The following ARHGAP28 variants were observed in gnomAD, a reference collection of about 807,000 sequenced individuals.
ARHGAP28 encodes rho GTPase-activating protein 28.
Under a neutral mutation model 90.7 loss-of-function variants are expected in ARHGAP28, and 56 were observed. That is an observed-to-expected ratio of 0.62 (90% CI 0.50 to 0.77). The LOEUF is 0.77. Ranked by LOEUF, ARHGAP28 falls within the 30% of genes least tolerant of loss-of-function variation. The pLI is 0.00. For missense variants in ARHGAP28, 869 were observed against 900.9 expected, an observed-to-expected ratio of 0.96 and a Z score of 0.45; for synonymous variants, 308 against 323.3, an observed-to-expected ratio of 0.95 and a Z score of 0.51.
rs111766567 is a variant in ARHGAP28, at chr18:6,739,022, C to T, written c.122+9079C>T. On this transcript the variant is annotated intron_variant, in intron 1 of 17. Coordinates refer to ENST00000383472, the MANE Select transcript of ARHGAP28 (RefSeq NM_001366230.1). ...GGCAAGCACTATACTAAAAGCTTGA[C>T]ATACATTACCCCAGTTATTCTTTAA... Among the ~76,000 whole-genome samples, 805 of 152,268 alleles carry T rather than the reference C, an allele frequency of 5.3e-3. 5 individuals carry two copies. The highest frequency in any genetic ancestry group is 7.5e-3 in the Non-Finnish European group (508 of 68,028).
chr18:6,850,919 T>C (rs1322747543), intron 3 of ARHGAP28, 115 bp from the exon 4 acceptor site: 6 of 1,537,130 alleles, frequency 3.9e-6, no homozygotes, highest in African/African-American at 1.4e-5. Context: ...TAATTGTATA[T>C]ATCTCCAGGC....
At chr18:6,797,883 A>G (rs1445845940) in intron 1 of ARHGAP28, among the ~76,000 whole-genome samples, 1 of 152,188 alleles carries the variant, frequency 6.6e-6, no homozygotes, top group Non-Finnish European at 1.5e-5. Context: ...GCTGGTCTCG[A>G]TCTCCTCACC....
At chr18:6,842,860 A>G (rs1407839379) in intron 3 of ARHGAP28, among the ~76,000 whole-genome samples, 1 of 152,162 alleles carries the variant, frequency 6.6e-6, no homozygotes, top group Non-Finnish European at 1.5e-5. Flanking sequence ...AAATATATAT[A>G]CCTACCATGT....
At chr18:6,786,942 C>A (rs530623773) in intron 1 of ARHGAP28, among the ~76,000 whole-genome samples, 1 of 151,796 alleles carries the variant, frequency 6.6e-6, no homozygotes. Flanking sequence ...GTTGGGGCCG[C>A]GCGCGGTGGT....
intron 1 of ARHGAP28, among the ~76,000 whole-genome samples, chr18:6,762,024 C>A (rs1239312942): frequency 6.6e-6 from 1 of 152,186 alleles, no homozygotes; most frequent in African/African-American, 2.4e-5. Context: ...CATCTCTGCT[C>A]ACCATTATTT....
At chr18:6,837,908 C>T (rs1356311753) in intron 3 of ARHGAP28, among the ~76,000 whole-genome samples, 1 of 152,072 alleles carries the variant, frequency 6.6e-6, no homozygotes, top group Non-Finnish European at 1.5e-5. Context: ...GAGAATGATT[C>T]AGAAAAGCAT....
At chr18:6,837,077 C>A in intron 2 of ARHGAP28, 120 bp from the exon 3 acceptor site, 2 of 731,762 alleles carry the variant, frequency 2.7e-6, no homozygotes, top group Non-Finnish European at 4.4e-6. Context: ...AGTTCTTTCC[C>A]ATAATTACTG....
At chr18:6,831,088 A>T (rs1450609491) in intron 2 of ARHGAP28, among the ~76,000 whole-genome samples, 1 of 152,154 alleles carries the variant, frequency 6.6e-6, no homozygotes, top group African/African-American at 2.4e-5. Context: ...ACATCATTGC[A>T]ACACTTGATG....
chr18:6,830,464 T>A (rs887036695), intron 2 of ARHGAP28, among the ~76,000 whole-genome samples: 2 of 152,212 alleles, frequency 1.3e-5, no homozygotes, highest in African/African-American at 2.4e-5. Context: ...AGACTATCCC[T>A]CCCTTAGCCC....
intron 1 of ARHGAP28, among the ~76,000 whole-genome samples, chr18:6,811,644 T>A (rs1202850606): frequency 6.6e-6 from 1 of 152,188 alleles, no homozygotes; most frequent in African/African-American, 2.4e-5. Context: ...CTAGAGTTTT[T>A]AACATTACAC....
intron 1 of ARHGAP28, among the ~76,000 whole-genome samples, chr18:6,818,534 C>A (rs980184449): frequency 2.0e-5 from 3 of 152,062 alleles, no homozygotes; most frequent in African/African-American, 7.2e-5. Context: ...ACAAAGTAAG[C>A]AAATGAGTGC....
chr18:6,772,594 G>A (rs7233081), intron 1 of ARHGAP28, among the ~76,000 whole-genome samples: 60,616 of 151,978 alleles, frequency 0.4, 12,961 homozygotes, highest in East Asian at 0.85. Flanking sequence ...AGGATTTAAC[G>A]AACTATATGA....
chr18:6,874,945 A>T (rs1175951493), intron 9 of ARHGAP28: 1 of 152,270 alleles, frequency 6.6e-6, no homozygotes, highest in Non-Finnish European at 1.5e-5. Context: ...TAGCCAAGAC[A>T]CACAGTCAGC....
chr18:6,783,567 C>T (rs984815432), intron 1 of ARHGAP28, among the ~76,000 whole-genome samples: 1 of 151,954 alleles, frequency 6.6e-6, no homozygotes, highest in African/African-American at 2.4e-5. Context: ...TCCCAAAGTG[C>T]TGGGATTACA....
chr18:6,860,371 T>C (rs758633145), intron 5 of ARHGAP28, among the ~76,000 whole-genome samples: 18 of 152,218 alleles, frequency 1.2e-4, no homozygotes, highest in Non-Finnish European at 2.5e-4. Context: ...ATTCATTCAC[T>C]TGGTCTTAAG....
At chr18:6,895,313 G>A (rs983406575) in intron 15 of ARHGAP28, among the ~76,000 whole-genome samples, 4 of 151,940 alleles carry the variant, frequency 2.6e-5, no homozygotes, top group African/African-American at 9.7e-5. Flanking sequence ...CTGAACTCCT[G>A]CTCTCATGGT....
intron 6 of ARHGAP28, 93 bp downstream of exon 6, chr18:6,868,327 G>A (rs2057054663): frequency 9.1e-7 from 1 of 1,103,196 alleles, no homozygotes; most frequent in Admixed American, 2.0e-5. Context: ...TAAAAGCGAA[G>A]TATAAGTGTG....
rs1030223061 is a variant in ARHGAP28, at chr18:6,876,278, G to A, written c.1290+70G>A. ...TAGACCCAGTTCACACAAGCATCGG[G>A]GATCCAGATATTTGTTGTTGTTTAT... On this transcript the variant is annotated intron_variant, in intron 10 of 17. Coordinates refer to ENST00000383472, the MANE Select transcript of ARHGAP28 (RefSeq NM_001366230.1). 1.3e-5 allele frequency: 15 copies of A among 1,143,324 alleles called. No individual in the cohort carries two copies. The African/African-American group carries it at 2.1e-4, about 16-fold the overall frequency. 70.8% of individuals were successfully genotyped at this position (1,143,324 alleles called of 1,614,324 possible). A position where few individuals can be genotyped will look rare whatever the true frequency, so the allele number is the denominator to read the frequency against.
Position 6,911,993 on chromosome 18 carries a change from A to C in ARHGAP28, c.2096-67A>C. 6 of 988,872 alleles carry C rather than the reference A, an allele frequency of 6.1e-6. No homozygotes were observed. The South Asian group carries it at 1.1e-4, about 18-fold the overall frequency. 61.3% of individuals were successfully genotyped at this position (988,872 alleles called of 1,614,324 possible). Reference sequence around the variant, plus strand: ...TTGAACCTCACAAACACACACAGACACATATGTGTGCGCACGCACACACAC... The same window carrying C: ...TTGAACCTCACAAACACACACAGACCCATATGTGTGCGCACGCACACACAC... On this transcript the variant is annotated intron_variant, in intron 17 of 17. Transcript: ENST00000383472.
Sources: gnomAD v4.1 joint callset for allele counts (sites outside exome capture counted in the v4.1 genomes callset) on GRCh38, gnomAD v4.1.1 for gene constraint, MANE v1.5 for transcripts, NCBI Gene and HGNC (gene_info 2026-07-23, HGNC 2026-07-21) for gene names.